Variants in SLC25A21 observed in about 807,000 individuals in gnomAD.
SLC25A21 encodes mitochondrial 2-oxodicarboxylate carrier.
SLC25A21 carries 47 observed loss-of-function variants against 43.8 expected under a neutral mutation model. The ratio of observed to expected loss-of-function variants is 1.07; its 90% CI spans 0.85 to 1.37. The LOEUF is 1.37. SLC25A21 is among the 40% of genes most tolerant of loss of function. The probability of loss-of-function intolerance (pLI) is 0.00; values close to 1 mark genes in which losing one functional copy is unlikely to be tolerated. For synonymous variants in SLC25A21, 131 were observed against 121.3 expected (o/e 1.08, Z -0.52); for missense variants, 352 against 350.2 (o/e 1.00, Z -0.04).
intron 7 of SLC25A21, among the ~76,000 whole-genome samples, chr14:36,704,451 G>A (rs1264817158): frequency 2.0e-5 from 3 of 152,140 alleles, no homozygotes; most frequent in Admixed American, 2.0e-4. Context: ...GAGGTCAGGA[G>A]TTCGAGACCA....
intron 1 of SLC25A21, among the ~76,000 whole-genome samples, chr14:36,934,520 T>C (rs756715800): frequency 2.0e-5 from 3 of 151,576 alleles, no homozygotes; most frequent in African/African-American, 4.8e-5. Context: ...TCTTCATTTA[T>C]ATTAAAGCTA....
intron 1 of SLC25A21, among the ~76,000 whole-genome samples, chr14:37,055,409 T>A (rs1347143442): frequency 1.3e-5 from 2 of 152,180 alleles, no homozygotes; most frequent in African/African-American, 4.8e-5. Flanking sequence ...TCTTCACTGC[T>A]CCACTCATGG....
chr14:37,066,144 G>C (rs149198231), intron 1 of SLC25A21, among the ~76,000 whole-genome samples: 1 of 152,268 alleles, frequency 6.6e-6, no homozygotes, highest in Non-Finnish European at 1.5e-5. Flanking sequence ...CACACTTCCA[G>C]ATATGACACT....
At chr14:37,164,311 G>A (rs1182608830) in intron 1 of SLC25A21, among the ~76,000 whole-genome samples, 3 of 151,920 alleles carry the variant, frequency 2.0e-5, no homozygotes, top group Non-Finnish European at 2.9e-5. Context: ...TAATTAATTC[G>A]AGCAATAGGG....
At chr14:36,911,615 G>A (rs1891688414) in intron 1 of SLC25A21, among the ~76,000 whole-genome samples, 2 of 152,268 alleles carry the variant, frequency 1.3e-5, no homozygotes, top group Admixed American at 6.5e-5. Context: ...CACATGCAGA[G>A]GCCTCATTGG....
At chr14:36,682,753 G>C (rs1437889981) in intron 9 of SLC25A21, among the ~76,000 whole-genome samples, 1 of 152,180 alleles carries the variant, frequency 6.6e-6, no homozygotes, top group South Asian at 2.1e-4. Context: ...ACGGAAGGTA[G>C]GTCTGAATCC....
intron 1 of SLC25A21, among the ~76,000 whole-genome samples, chr14:36,992,676 A>G (rs2138714685): frequency 6.6e-6 from 1 of 152,230 alleles, no homozygotes; most frequent in Non-Finnish European, 1.5e-5. Flanking sequence ...GAAAATCATA[A>G]CTTTTTTTTT....
intron 1 of SLC25A21, among the ~76,000 whole-genome samples, chr14:37,098,786 C>CAGATAGATAGATAGATAGATAGAT (rs1407209801): frequency 4.3e-5 from 6 of 139,210 alleles, no homozygotes; most frequent in African/African-American, 1.5e-4. Flanking sequence ...GACAGACAGA[C>CAGATAGATAGATAGATAGATAGAT]AGATAGATAG....
chr14:37,063,873 C>G (rs1029474815), intron 1 of SLC25A21, among the ~76,000 whole-genome samples: 1 of 152,148 alleles, frequency 6.6e-6, no homozygotes, highest in East Asian at 1.9e-4. Context: ...GGCAGTAAAC[C>G]GAAATGCAAC....
intron 3 of SLC25A21, among the ~76,000 whole-genome samples, chr14:36,802,395 T>C (rs1887898065): frequency 6.6e-6 from 1 of 152,164 alleles, no homozygotes; most frequent in African/African-American, 2.4e-5. Flanking sequence ...AGTAATTGGC[T>C]ACAATATAAG....
intron 1 of SLC25A21, among the ~76,000 whole-genome samples, chr14:36,934,544 A>G (rs1892371159): frequency 6.6e-6 from 1 of 151,806 alleles, no homozygotes. Flanking sequence ...ATCACCAGCC[A>G]CCAAGCACTG....
At chr14:37,001,499 C>T (rs1960488823) in intron 1 of SLC25A21, among the ~76,000 whole-genome samples, 1 of 152,156 alleles carries the variant, frequency 6.6e-6, no homozygotes. Flanking sequence ...GCTGTTATTG[C>T]TATGGCTAAC....
At chr14:36,879,033 C>T (rs1594662382) in intron 1 of SLC25A21, among the ~76,000 whole-genome samples, 1 of 152,238 alleles carries the variant, frequency 6.6e-6, no homozygotes, top group Admixed American at 6.5e-5. Flanking sequence ...TAGATCAGTG[C>T]TTTTCTTAGA....
intron 6 of SLC25A21, among the ~76,000 whole-genome samples, chr14:36,719,918 T>G (rs1339112580): frequency 1.3e-5 from 2 of 152,168 alleles, no homozygotes; most frequent in African/African-American, 4.8e-5. Context: ...GAACTCCACT[T>G]GCAGCTCCAG....
At chr14:36,743,820 A>C (rs1885377349) in intron 3 of SLC25A21, among the ~76,000 whole-genome samples, 1 of 152,174 alleles carries the variant, frequency 6.6e-6, no homozygotes, top group Admixed American at 6.5e-5. Context: ...CCTAGATTTG[A>C]TACATGATTT....
At chr14:36,787,487 C>T (rs774419780) in intron 3 of SLC25A21, among the ~76,000 whole-genome samples, 3 of 152,014 alleles carry the variant, frequency 2.0e-5, no homozygotes, top group African/African-American at 7.2e-5. Flanking sequence ...TTTCTGGGCA[C>T]TTTTAAAAAG....
intron 1 of SLC25A21, among the ~76,000 whole-genome samples, chr14:36,896,520 G>A (rs1753264779): frequency 6.6e-6 from 1 of 152,060 alleles, no homozygotes; most frequent in Admixed American, 6.6e-5. Flanking sequence ...TCTTTTAATT[G>A]GAGCATTTAG....
At chr14:37,158,666 A>G (rs1356246719) in intron 1 of SLC25A21, among the ~76,000 whole-genome samples, 1 of 152,122 alleles carries the variant, frequency 6.6e-6, no homozygotes, top group Non-Finnish European at 1.5e-5. Context: ...TCTAAGAACC[A>G]GAACACTGGT....
chr14:36,776,230 CTTTCTTTCTT>C lies in SLC25A21; in HGVS notation c.203+37678_203+37687del, dbSNP rs1489433082. 9.9e-5 allele frequency among the ~76,000 whole-genome samples: 7 copies of C among 70,842 alleles called. 1 individual carries two copies. The South Asian group carries it at 1.3e-3, about 13-fold the overall frequency. The allele number at this position is 70,842 out of a possible 152,430, so 46.5% of individuals were successfully genotyped here. Reference sequence around the variant, plus strand: ...ACTGCTTTCTTTTTTCTTTTTCTTTCTTTCTTTCTTTTTTTTTTTTTTTTGAGATGGAGTC... The same window carrying C: ...ACTGCTTTCTTTTTTCTTTTTCTTTCTTTTTTTTTTTTTTGAGATGGAGTC... On this transcript the variant is annotated intron_variant, in intron 3 of 9. Coordinates refer to ENST00000331299, the MANE Select transcript of SLC25A21 (RefSeq NM_030631.4).
Sources: allele counts gnomAD v4.1 joint callset (sites outside exome capture counted in the v4.1 genomes callset), GRCh38; gene constraint gnomAD v4.1.1; transcripts MANE v1.5; gene names NCBI Gene and HGNC (gene_info 2026-07-23, HGNC 2026-07-21).